The following CXorf58 variants were observed in gnomAD, a reference collection of about 807,000 sequenced individuals.
CXorf58 encodes uncharacterized protein CXorf58.
A neutral mutation model predicts 26.0 loss-of-function variants in CXorf58; 24 were observed. That is an observed-to-expected ratio of 0.92 (90% CI 0.67 to 1.30). The LOEUF is 1.30. Among genes scored for constraint, CXorf58 ranks in the 50% most tolerant of loss-of-function variants. The probability of loss-of-function intolerance (pLI) is 0.00; values close to 1 mark genes in which losing one functional copy is unlikely to be tolerated. For missense variants in CXorf58, 236 were observed against 263.9 expected (o/e 0.89, Z 0.73); for synonymous variants, 87 against 86.1 (o/e 1.01, Z -0.06).
In CXorf58 at chrX:23,939,242, A is replaced by G; in HGVS notation, c.940-2A>G. On this transcript the variant is annotated splice_acceptor_variant, in intron 8 of 8. Coordinates refer to ENST00000379211, the MANE Select transcript of CXorf58 (RefSeq NM_152761.3). LOFTEE classifies it high-confidence loss of function. ...CCTACTTTTATTGATAATTCTGCCT[A>G]GGAACCAAAAACGGGCCCATCAGGT... 1 of 1,186,343 alleles carries G rather than the reference A, an allele frequency of 8.4e-7. No homozygotes were observed. Among genetic ancestry groups the G allele is most frequent in the Non-Finnish European group, 1.1e-6 (1 of 876,628 alleles).
intron 5 of CXorf58, among the ~76,000 whole-genome samples, chrX:23,919,437 A>G (rs1172560672): frequency 2.7e-5 from 3 of 112,021 alleles, no homozygotes; most frequent in African/African-American, 9.7e-5. Context: ...TAATTATTTC[A>G]TTCTCTTTGT....
At chrX:23,910,765 T>TC (rs1192644720) in intron 2 of CXorf58, among the ~76,000 whole-genome samples, 3 of 89,208 alleles carry the variant, frequency 3.4e-5, no homozygotes, top group East Asian at 3.3e-4. Context: ...CCTTTCTTTT[T>TC]TTTTTTTTTT....
intron 1 of CXorf58, among the ~76,000 whole-genome samples, chrX:23,909,915 ACT>A (rs1344287618): frequency 9.0e-6 from 1 of 111,568 alleles, no homozygotes; most frequent in Non-Finnish European, 1.9e-5. Flanking sequence ...GGCACTGAGG[ACT>A]CTGTAGTTAA....
intron 3 of CXorf58, among the ~76,000 whole-genome samples, chrX:23,913,016 C>T (rs1254710222): frequency 9.1e-6 from 1 of 109,423 alleles, no homozygotes; most frequent in African/African-American, 3.3e-5. Context: ...GTATGAAGAG[C>T]ATGATCCTAC....
intron 7 of CXorf58, 115 bp downstream of exon 7, chrX:23,935,540 CA>C: frequency 1.9e-6 from 1 of 527,987 alleles, no homozygotes; most frequent in Non-Finnish European, 3.1e-6. Flanking sequence ...AGGGTTGGGG[CA>C]GATTGCTCAA....
intron 5 of CXorf58, among the ~76,000 whole-genome samples, chrX:23,925,671 A>G (rs953162867): frequency 9.1e-6 from 1 of 109,702 alleles, no homozygotes; most frequent in African/African-American, 3.3e-5. Context: ...TAGGCCTTGT[A>G]TCAACATTAT....
chrX:23,929,892 G>A (rs73625194), intron 6 of CXorf58, among the ~76,000 whole-genome samples: 178 of 111,198 alleles, frequency 1.6e-3, no homozygotes, highest in African/African-American at 5.6e-3. Flanking sequence ...AAATTTTAGG[G>A]CCCTTAAAAA....
At chrX:23,933,578 G>C (rs1009072398) in intron 6 of CXorf58, among the ~76,000 whole-genome samples, 6 of 109,572 alleles carry the variant, frequency 5.5e-5, no homozygotes, top group Admixed American at 3.9e-4. Context: ...AACATAGTGA[G>C]ACCCTATCTC....
chrX:23,912,820 A>T (rs910441610), intron 3 of CXorf58, among the ~76,000 whole-genome samples: 2 of 112,229 alleles, frequency 1.8e-5, no homozygotes, highest in African/African-American at 6.5e-5. Context: ...TCTACAATAC[A>T]TACACAATTT....
At chrX:23,921,299 C>T (rs1056840567) in intron 5 of CXorf58, among the ~76,000 whole-genome samples, 2 of 111,788 alleles carry the variant, frequency 1.8e-5, no homozygotes, top group Admixed American at 9.5e-5. Flanking sequence ...AATATGCCTC[C>T]GTGCCTTTAT....
intron 3 of CXorf58, among the ~76,000 whole-genome samples, chrX:23,914,812 A>G (rs1364177672): frequency 9.1e-6 from 1 of 109,804 alleles, no homozygotes; most frequent in Non-Finnish European, 1.9e-5. Flanking sequence ...TGAACCTGGG[A>G]GGTGGAGGTT....
At chrX:23,917,741 A>G (rs2147067797) in intron 5 of CXorf58, among the ~76,000 whole-genome samples, 1 of 113,041 alleles carries the variant, frequency 8.8e-6, no homozygotes, top group South Asian at 3.6e-4. Flanking sequence ...TTTAAGTTTC[A>G]TGAATATTCA....
Position 23,935,403 on chromosome X carries a change from C to A in CXorf58, c.763C>A (p.Leu255Ile), listed in dbSNP as rs1402201957. ...PVTQEIHKHQ[L>I]RIVSEIRGPY... ...AACGCAAGAGATCCATAAGCACCAG[C>A]TACGGATTGTTTCTGAAATTAGGTA... The change falls in exon 7 of 9, where the codon CTA becomes ATA. Residue 255 changes from leucine to isoleucine, a missense_variant. Physicochemically the swap from Leu to Ile is conservative, Grantham distance 5 (BLOSUM62 2). Coordinates refer to ENST00000379211, the MANE Select transcript of CXorf58 (RefSeq NM_152761.3). 1.7e-6 allele frequency: 2 copies of A among 1,198,332 alleles called. No homozygotes were observed. The highest frequency in any genetic ancestry group is 2.3e-6 in the Non-Finnish European group (2 of 883,768).
intron 4 of CXorf58, 64 bp downstream of exon 4, chrX:23,915,858 G>T: frequency 1.6e-6 from 1 of 622,162 alleles, no homozygotes; most frequent in Non-Finnish European, 2.5e-6. Context: ...TCTTAGATAT[G>T]GATTTTTTAA....
At chrX:23,913,986 A>G (rs906861811) in intron 3 of CXorf58, among the ~76,000 whole-genome samples, 4 of 112,347 alleles carry the variant, frequency 3.6e-5, no homozygotes, top group Admixed American at 9.4e-5. Context: ...TGCTGGTTTC[A>G]TAGTATTTTT....
intron 5 of CXorf58, among the ~76,000 whole-genome samples, chrX:23,920,064 A>G (rs1927825062): frequency 8.9e-6 from 1 of 112,209 alleles, no homozygotes; most frequent in African/African-American, 3.2e-5. Context: ...TAAAACAAGC[A>G]CCCTTGTGGC....
At chrX:23,929,187 A>G (rs1928089874) in intron 6 of CXorf58, among the ~76,000 whole-genome samples, 1 of 110,343 alleles carries the variant, frequency 9.1e-6, no homozygotes, top group African/African-American at 3.3e-5. Context: ...TGGGCGGATC[A>G]CGAGGTCAGG....
At chrX:23,923,743 G>A (rs193063582) in intron 5 of CXorf58, among the ~76,000 whole-genome samples, 2 of 111,797 alleles carry the variant, frequency 1.8e-5, no homozygotes, top group Admixed American at 1.9e-4. Flanking sequence ...CTGAGGTCAG[G>A]AGTTTGAGAC....
At chrX:23,933,694 G>C (rs1370055609) in intron 6 of CXorf58, among the ~76,000 whole-genome samples, 1 of 111,176 alleles carries the variant, frequency 9.0e-6, no homozygotes, top group Admixed American at 9.6e-5. Flanking sequence ...TTCAAGACCA[G>C]CTTGGCCAAC....
Sources: allele counts gnomAD v4.1 joint callset (sites outside exome capture counted in the v4.1 genomes callset), GRCh38; gene constraint gnomAD v4.1.1; transcripts MANE v1.5; gene names NCBI Gene and HGNC (gene_info 2026-07-23, HGNC 2026-07-21).